ST6GAL2: variants seen among roughly 807,000 people sequenced by gnomAD.
ST6GAL2 encodes the protein ST6 beta-galactoside alpha-2,6-sialyltransferase 2.
Under a neutral mutation model 37.5 loss-of-function variants are expected in ST6GAL2, and 24 were observed. That is an observed-to-expected ratio of 0.64 (90% confidence interval 0.46 to 0.90). The LOEUF (loss-of-function observed/expected upper bound fraction) is 0.90, where lower values mean the gene tolerates loss of function less well. Among genes scored for constraint, ST6GAL2 ranks in the 40% least tolerant of loss-of-function variants. ST6GAL2 has a pLI of 0.00. For synonymous variants in ST6GAL2, 306 were observed against 295.1 expected (o/e 1.04, Z -0.38); for missense variants, 715 against 712.7 (o/e 1.00, Z -0.04).
At chr2:106,881,371 CCATT>C (rs1678744356) in intron 1 of ST6GAL2, among the ~76,000 whole-genome samples, 1 of 152,158 alleles carries the variant, frequency 6.6e-6, no homozygotes, top group South Asian at 2.1e-4. Context: ...ACAAACAAAT[CCATT>C]CATTTAATCC....
intron 2 of ST6GAL2, among the ~76,000 whole-genome samples, chr2:106,835,330 G>A (rs143140760): frequency 1.2e-3 from 177 of 152,296 alleles, no homozygotes; most frequent in South Asian, 6.2e-3. Context: ...TAAGGCAGCC[G>A]CCTTCTTCCC....
chr2:106,882,223 C>T (rs1317104731), intron 1 of ST6GAL2, among the ~76,000 whole-genome samples: 2 of 152,214 alleles, frequency 1.3e-5, no homozygotes, highest in Non-Finnish European at 2.9e-5. Flanking sequence ...GACATGAAAA[C>T]TGATAGTCTT....
At chr2:106,814,302 G>T (rs1472441661) in intron 5 of ST6GAL2, among the ~76,000 whole-genome samples, 1 of 152,106 alleles carries the variant, frequency 6.6e-6, no homozygotes, top group African/African-American at 2.4e-5. Context: ...TTGTGTTAAT[G>T]TTCTGAGTTT....
rs72826100 is a variant in ST6GAL2 at position 106,814,878 on chromosome 2, A to G, written c.1319-7929T>C. Among the ~76,000 whole-genome samples, 415 of 152,360 alleles carry G rather than the reference A, an allele frequency of 2.7e-3. 1 individual carries two copies. The highest frequency in any genetic ancestry group is 4.8e-3 in the Non-Finnish European group (328 of 68,028). ...TGAATAACAAGATAAAATCTCTAGTATCTGACTAGGGATGAAAGAGAGAAA... is the reference window on the plus strand; with the variant it reads ...TGAATAACAAGATAAAATCTCTAGTGTCTGACTAGGGATGAAAGAGAGAAA... On this transcript the variant is annotated intron_variant, in intron 5 of 5. Coordinates refer to ENST00000409382, the MANE Select transcript of ST6GAL2 (RefSeq NM_001142351.2).
chr2:106,807,632 T>C (rs12990622), intron 5 of ST6GAL2, among the ~76,000 whole-genome samples: 934 of 8,136 alleles, frequency 0.11, 9 homozygotes, highest in African/African-American at 0.14. Flanking sequence ...CATTTTATTC[T>C]TTTTTTTTTT....
chr2:106,862,535 A>T (rs1677844967), intron 1 of ST6GAL2, among the ~76,000 whole-genome samples: 1 of 152,226 alleles, frequency 6.6e-6, no homozygotes. Flanking sequence ...AAGAAAAAAA[A>T]TACCCTAAAA....
intron 1 of ST6GAL2, among the ~76,000 whole-genome samples, chr2:106,883,960 G>T (rs1201148404): frequency 6.6e-6 from 1 of 152,164 alleles, no homozygotes; most frequent in Non-Finnish European, 1.5e-5. Context: ...AGAAGGAGTG[G>T]CAGAAGCCTA....
At chr2:106,841,137 GTTT>G (rs894775482) in intron 2 of ST6GAL2, 4 of 151,854 alleles carry the variant, frequency 2.6e-5, no homozygotes, top group Non-Finnish European at 5.9e-5. Context: ...TCACTGTCTT[GTTT>G]TTTTTAACTT....
rs1677039491 is a variant in ST6GAL2 at position 106,843,895 on chromosome 2, A to G, written c.83T>C (p.Ile28Thr). The G allele has an allele frequency of 1.2e-6, 2 of 1,605,276 alleles. No homozygotes were observed. Among genetic ancestry groups the G allele is most frequent in the Non-Finnish European group, 1.7e-6 (2 of 1,179,122 alleles). Residue 28 changes from isoleucine (I) to threonine (T), a missense_variant, in exon 2 of 6, where the codon ATC becomes ACC. Coordinates refer to ENST00000409382, the MANE Select transcript of ST6GAL2 (RefSeq NM_001142351.2). The stretch of plus-strand genomic sequence containing the variant: ...AGCGGGGTTGCTGTCGGTGAAGTAG[A>G]TGAAAATCAGCAAAAAGAGGAGCCC... ...AWGLLFLLIFIYFTDSNPAEP... is the reference protein window; with the variant it reads ...AWGLLFLLIFTYFTDSNPAEP...
At chr2:106,833,068 C>T (rs1676486973) in intron 3 of ST6GAL2, among the ~76,000 whole-genome samples, 1 of 152,132 alleles carries the variant, frequency 6.6e-6, no homozygotes, top group Non-Finnish European at 1.5e-5. Flanking sequence ...CCAGCCACAG[C>T]CTTCCCTCTG....
chr2:106,831,108 C>T (rs1383812616), intron 4 of ST6GAL2, among the ~76,000 whole-genome samples: 1 of 152,140 alleles, frequency 6.6e-6, no homozygotes, highest in Non-Finnish European at 1.5e-5. Context: ...ATTAAGATCA[C>T]AGGAAATATT....
chr2:106,824,626 C>T (rs1025198067), intron 5 of ST6GAL2, among the ~76,000 whole-genome samples: 4 of 151,918 alleles, frequency 2.6e-5, no homozygotes, highest in African/African-American at 9.7e-5. Flanking sequence ...AGTGAGAGTC[C>T]GTCTCAAAAC....
chr2:106,822,449 AGATCTC>A (rs1006769532), intron 5 of ST6GAL2, among the ~76,000 whole-genome samples: 1 of 152,086 alleles, frequency 6.6e-6, no homozygotes, highest in African/African-American at 2.4e-5. Flanking sequence ...AAGAAGTGAA[AGATCTC>A]GATAATGAAA....
chr2:106,844,546 A>T (rs1181557900), intron 1 of ST6GAL2, among the ~76,000 whole-genome samples: 1 of 152,028 alleles, frequency 6.6e-6, no homozygotes. Context: ...ACCCTATCTG[A>T]TTCTTCCTGT....
At chr2:106,855,958 T>G (rs181961212) in intron 1 of ST6GAL2, among the ~76,000 whole-genome samples, 1 of 152,328 alleles carries the variant, frequency 6.6e-6, no homozygotes, top group Non-Finnish European at 1.5e-5. Context: ...TAATGCTTTA[T>G]GAAAGCTTCA....
chr2:106,818,309 A>C (rs1675880957), intron 5 of ST6GAL2, among the ~76,000 whole-genome samples: 1 of 152,228 alleles, frequency 6.6e-6, no homozygotes, highest in Non-Finnish European at 1.5e-5. Flanking sequence ...GTACAGTCCC[A>C]GTGATGGTGG....
intron 5 of ST6GAL2, among the ~76,000 whole-genome samples, chr2:106,819,717 T>C (rs1675928987): frequency 6.6e-6 from 1 of 151,998 alleles, no homozygotes; most frequent in Non-Finnish European, 1.5e-5. Flanking sequence ...ATAATAATTA[T>C]AGCCTGTAAA....
rs558582309 is a variant in ST6GAL2, at chr2:106,835,608, C to T, written c.944-1462G>A. ...GCAGGAGTTGGCAAACTATGACCTT[C>T]TGGCCAAATCTGACCTGCCACTTGT... is the stretch of plus-strand genomic sequence containing the variant. On this transcript the variant is annotated intron_variant, in intron 2 of 5. Coordinates refer to ENST00000409382, the MANE Select transcript of ST6GAL2 (RefSeq NM_001142351.2). 1.2e-4 allele frequency among the ~76,000 whole-genome samples: 19 copies of T among 152,310 alleles called. 1 individual carries two copies. Among genetic ancestry groups the T allele is most frequent in the African/African-American group, 4.6e-4 (19 of 41,544 alleles).
Position 106,843,865 on chromosome 2 carries a change from G to A in ST6GAL2, c.113C>T (p.Pro38Leu). Residue 38 changes from proline (P) to leucine (L), a missense_variant, in exon 2 of 6, where the codon CCT (proline) becomes CTT (leucine). Pro to Leu is a moderately conservative substitution (Grantham distance 98). Around this residue, in one of 3 missense-constraint regions of ST6GAL2, gnomAD observed 512 missense variants for 488.8 expected, o/e 1.05. Coordinates refer to ENST00000409382, the MANE Select transcript of ST6GAL2 (RefSeq NM_001142351.2). ...IYFTDSNPAE[P>L]VPSSLSFLET... ...CAGGAAGGAGAGGGAGCTGGGTACAGGCTCAGCGGGGTTGCTGTCGGTGAA... is the reference window on the plus strand; with the variant it reads ...CAGGAAGGAGAGGGAGCTGGGTACAAGCTCAGCGGGGTTGCTGTCGGTGAA... 6.2e-7 allele frequency: 1 copy of A among 1,611,022 alleles called. No homozygotes were observed. Among genetic ancestry groups the A allele is most frequent in the Non-Finnish European group, 8.5e-7 (1 of 1,179,722 alleles).
Sources: gnomAD v4.1 joint callset for allele counts (sites outside exome capture counted in the v4.1 genomes callset) on GRCh38, gnomAD v4.1.1 for gene constraint, gnomAD v4.1.1 regional missense constraint, MANE v1.5 for transcripts, NCBI Gene and HGNC (gene_info 2026-07-23, HGNC 2026-07-21) for gene names.